Variants in KIF26A observed in about 807,000 individuals in gnomAD.
The protein encoded by KIF26A is kinesin-like protein KIF26A.
In KIF26A, 74 loss-of-function variants were observed where a neutral mutation model predicts 126.0. The ratio of observed to expected loss-of-function variants is 0.59; its 90% CI spans 0.49 to 0.71. The LOEUF (loss-of-function observed/expected upper bound fraction) is 0.71, where lower values mean the gene tolerates loss of function less well. Ranked by LOEUF, KIF26A falls within the 30% of genes least tolerant of loss-of-function variation. The pLI is 0.00. For synonymous variants in KIF26A, 1,445 were observed against 1,232.7 expected (o/e 1.17, Z -3.61); for missense variants, 2,984 against 2,763.3 (o/e 1.08, Z -1.79).
Position 104,151,648 on chromosome 14 carries a change from G to A in KIF26A, c.289-367G>A, listed in dbSNP as rs1471261599. ...GCCCTCGTGGCTCTGAAGAGACGTT[G>A]CTTTTAAGGGGCCCTGCTTCTTGCC... On this transcript the variant is annotated intron_variant, in intron 2 of 14. Coordinates refer to ENST00000423312, the MANE Select transcript of KIF26A (RefSeq NM_015656.2). The surrounding 1 kb of genome is among the most constrained non-coding windows in gnomAD (Gnocchi z 4.9). 1.3e-5 allele frequency among the ~76,000 whole-genome samples: 2 copies of A among 152,216 alleles called. No individual in the cohort carries two copies. The highest frequency in any genetic ancestry group is 4.8e-5 in the African/African-American group (2 of 41,456).
intron 6 of KIF26A, 97 bp from the exon 7 acceptor site, chr14:104,172,475 GGGT>G: frequency 1.3e-6 from 1 of 758,828 alleles, no homozygotes; most frequent in African/African-American, 1.7e-5. Flanking sequence ...ATCTCCTTGT[GGGT>G]CGACTGCCTG....
At chr14:104,147,930 G>A (rs1011689942) in intron 2 of KIF26A, among the ~76,000 whole-genome samples, 2 of 152,224 alleles carry the variant, frequency 1.3e-5, no homozygotes, top group Admixed American at 6.5e-5. Flanking sequence ...GGAGACGGGT[G>A]ATGGGGACTC....
chr14:104,179,331 G>T lies in KIF26A; in HGVS notation c.5412G>T (p.Glu1804Asp). ...CCAAGCACAAGCACCTGTGTGAGGAGCTGGCCGAGACCCAGGGCCGGCTGA... is the reference window on the plus strand; with the variant it reads ...CCAAGCACAAGCACCTGTGTGAGGATCTGGCCGAGACCCAGGGCCGGCTGA... ...VQAKHKHLCE[E>D]LAETQGRLML... The change falls in exon 14 of 15, where the codon GAG (glutamate) becomes GAT (aspartate). Residue 1804 changes from glutamate (E) to aspartate (D), a missense_variant. By Grantham distance (45) the Glu-to-Asp change is conservative. Coordinates refer to ENST00000423312, the MANE Select transcript of KIF26A (RefSeq NM_015656.2). 2 of 1,540,794 alleles carry T rather than the reference G, an allele frequency of 1.3e-6. No individual in the cohort carries two copies. Among genetic ancestry groups the T allele is most frequent in the Non-Finnish European group, 8.7e-7 (1 of 1,146,552 alleles).
Position 104,175,490 on chromosome 14 carries a change from G to A in KIF26A, c.2702G>A (p.Gly901Asp), listed in dbSNP as rs2038011807. The change falls in exon 12 of 15, where the codon GGC (glycine) becomes GAC (aspartate). Residue 901 changes from glycine (G) to aspartate (D), a missense_variant. Transcript: ENST00000423312. ...GTPMAASTPR[G>D]SSGPDTHQGT... Reference sequence around the variant, plus strand: ...CCGATGGCTGCCAGCACCCCTCGAGGCAGTTCTGGTCCAGACACCCACCAG... The same window carrying A: ...CCGATGGCTGCCAGCACCCCTCGAGACAGTTCTGGTCCAGACACCCACCAG... 6.3e-7 allele frequency: 1 copy of A among 1,594,274 alleles called. No homozygotes were observed.
At chr14:104,138,810 G>A (rs2141084888) in intron 1 of KIF26A, 46 bp downstream of exon 1, 3 of 1,257,458 alleles carry the variant, frequency 2.4e-6, no homozygotes, top group Non-Finnish European at 3.0e-6. Flanking sequence ...GCGGGGGCCC[G>A]GGACGGCGAA....
chr14:104,144,091 G>A lies in KIF26A; in HGVS notation c.288+4803G>A, dbSNP rs542308811. 9.2e-5 allele frequency among the ~76,000 whole-genome samples: 14 copies of A among 152,352 alleles called. No individual in the cohort carries two copies. The East Asian group carries it at 2.7e-3, about 29-fold the overall frequency. On this transcript the variant is annotated intron_variant, in intron 2 of 14. Transcript: ENST00000423312. ...ACCTGGGCTTTCTCTTCCCTGGACA[G>A]GCGGTGCTGCCTCCGGGATTCCCTG... is the stretch of plus-strand genomic sequence containing the variant.
At chr14:104,164,740 CGCGTGTCTGTG>C (rs2037866066) in intron 4 of KIF26A, among the ~76,000 whole-genome samples, 1 of 147,558 alleles carries the variant, frequency 6.8e-6, no homozygotes, top group Admixed American at 6.8e-5. Context: ...TGTGTGTGTG[CGCGTGTCTGTG>C]TGTGTGCGCG....
intron 2 of KIF26A, among the ~76,000 whole-genome samples, chr14:104,142,301 T>C (rs776142091): frequency 2.0e-5 from 3 of 152,086 alleles, no homozygotes; most frequent in Non-Finnish European, 4.4e-5. Context: ...GGAAGCCCCA[T>C]GATGGGACTC....
intron 5 of KIF26A, among the ~76,000 whole-genome samples, chr14:104,168,227 G>A (rs766158542): frequency 1.3e-5 from 2 of 152,196 alleles, no homozygotes; most frequent in African/African-American, 2.4e-5. Context: ...TGCTGGCTAC[G>A]GGGAAGGGCT....
chr14:104,163,390 C>T (rs2037850540), intron 4 of KIF26A, among the ~76,000 whole-genome samples: 1 of 152,168 alleles, frequency 6.6e-6, no homozygotes, highest in Non-Finnish European at 1.5e-5. Flanking sequence ...ACAGCGTGGG[C>T]GAGTGTGTCG....
chr14:104,156,487 G>T (rs1012826326), intron 3 of KIF26A, among the ~76,000 whole-genome samples: 2 of 152,158 alleles, frequency 1.3e-5, no homozygotes, highest in Non-Finnish European at 2.9e-5. Context: ...CTAGGGCCCA[G>T]GGGGCACCCA....
At position 104,179,400 on chromosome 14, in the gene KIF26A, G is replaced by C; in HGVS notation, c.5467+14G>C. 1 of 1,489,124 alleles carries C rather than the reference G, an allele frequency of 6.7e-7. No individual in the cohort carries two copies. Among genetic ancestry groups the C allele is most frequent in the East Asian group, 2.5e-5 (1 of 40,112 alleles). 92.2% of individuals were successfully genotyped at this position (1,489,124 alleles called of 1,614,324 possible). ...GGCTGGAGCAGTGTGAGTCCCGCCC[G>C]CCCACGGACCCAGCCCGGCCCACCG... On this transcript the variant is annotated intron_variant, in intron 14 of 14. Transcript: ENST00000423312.
chr14:104,158,410 C>T (rs997267236), intron 4 of KIF26A, among the ~76,000 whole-genome samples: 4 of 152,190 alleles, frequency 2.6e-5, no homozygotes, highest in African/African-American at 4.8e-5. Context: ...CCGGGGGAGG[C>T]GCAGGCTGGG....
chr14:104,145,707 G>A (rs747648569), intron 2 of KIF26A, among the ~76,000 whole-genome samples: 4 of 152,144 alleles, frequency 2.6e-5, no homozygotes, highest in African/African-American at 4.8e-5. Flanking sequence ...TCATAGCTTC[G>A]GTTCACGGCT....
At chr14:104,157,972 G>A in intron 4 of KIF26A, 30 bp downstream of exon 4, 2 of 1,470,302 alleles carry the variant, frequency 1.4e-6, no homozygotes, top group Non-Finnish European at 1.8e-6. Context: ...GGGCAGCCTT[G>A]TGGGCAGGGC....
At chr14:104,145,440 T>C (rs974407576) in intron 2 of KIF26A, among the ~76,000 whole-genome samples, 9 of 152,030 alleles carry the variant, frequency 5.9e-5, no homozygotes, top group African/African-American at 9.7e-5. Flanking sequence ...GATGGGTGGG[T>C]GGCCCAGCCC....
intron 3 of KIF26A, among the ~76,000 whole-genome samples, chr14:104,156,927 C>G (rs1185770973): frequency 6.6e-6 from 1 of 152,154 alleles, no homozygotes; most frequent in Admixed American, 6.5e-5. Flanking sequence ...TGACCGTGAC[C>G]TGACCAGGCC....
intron 2 of KIF26A, 54 bp downstream of exon 2, chr14:104,139,342 G>T (rs2037614781): frequency 7.2e-7 from 1 of 1,381,070 alleles, no homozygotes; most frequent in African/African-American, 1.5e-5. Context: ...GCCGAACTTG[G>T]GTAGAACTTG....
In KIF26A at chr14:104,147,189, C is replaced by G. The variant is rs146586968; in HGVS notation, c.289-4826C>G. 6.7e-4 allele frequency among the ~76,000 whole-genome samples: 102 copies of G among 152,294 alleles called. 1 individual carries two copies. The East Asian group carries it at 0.019, about 28-fold the overall frequency. On this transcript the variant is annotated intron_variant, in intron 2 of 14. Coordinates refer to ENST00000423312, the MANE Select transcript of KIF26A (RefSeq NM_015656.2). ...TGATGAGCCTGCCCCTCTGCCACCC[C>G]ACCTCGCCGGGGCCATCCTTGCCTG...
Sources: allele counts gnomAD v4.1 joint callset (sites outside exome capture counted in the v4.1 genomes callset), GRCh38; gene constraint gnomAD v4.1.1; non-coding constraint Gnocchi (gnomAD v3.1); transcripts MANE v1.5; gene names NCBI Gene and HGNC (gene_info 2026-07-23, HGNC 2026-07-21).